PROB1: variants seen among roughly 807,000 people sequenced by gnomAD.
PROB1 encodes proline-rich basic protein 1.
For synonymous variants in PROB1, 660 were observed against 699.3 expected (o/e 0.94, Z 0.89); for missense variants, 1,453 against 1,485.7 (o/e 0.98, Z 0.36).
In PROB1 at chr5:139,392,895, CT is replaced by C; in HGVS notation, c.2186del (p.Lys729SerfsTer19). 3 of 1,543,944 alleles carry C rather than the reference CT, an allele frequency of 1.9e-6. No individual in the cohort carries two copies. The South Asian group carries it at 3.6e-5, about 18-fold the overall frequency. Reference sequence around the variant, plus strand: ...CCCCAGGCAGGCGGATCTCTGTGCGCTTGAAGGGCTTCGCCGTGCTGTTCTC... The same window carrying C: ...CCCCAGGCAGGCGGATCTCTGTGCGCTGAAGGGCTTCGCCGTGCTGTTCTC... ...RAENSTAKPF[K>X]RTEIRLPGAL... On this transcript the variant is annotated frameshift_variant, in exon 1 of 1. Transcript: ENST00000434752. LOFTEE classifies it low-confidence loss of function (END_TRUNC). This position sits in a 1 kb window ranked among gnomAD's most constrained non-coding sequence, Gnocchi z 5.8.
chr5:139,392,895 C>G lies in PROB1; in HGVS notation c.2187G>C (p.Lys729Asn), dbSNP rs1448047674. The G allele has an allele frequency of 6.5e-7, 1 of 1,543,944 alleles. No individual in the cohort carries two copies. Among genetic ancestry groups the G allele is most frequent in the East Asian group, 2.5e-5 (1 of 40,714 alleles). The change falls in exon 1 of 1, where the codon AAG (lysine) becomes AAC (asparagine). Residue 729 changes from lysine to asparagine, a missense_variant. Lys to Asn is a moderately conservative substitution (Grantham distance 94, BLOSUM62 0). Coordinates refer to ENST00000434752, the MANE Select transcript of PROB1 (RefSeq NM_001161546.2). The surrounding 1 kb of genome is among the most constrained non-coding windows in gnomAD (Gnocchi z 5.8). ...CCCCAGGCAGGCGGATCTCTGTGCG[C>G]TTGAAGGGCTTCGCCGTGCTGTTCT... ...RAENSTAKPF[K>N]RTEIRLPGAL...
At position 139,392,699 on chromosome 5, in the gene PROB1, C is replaced by T. The variant is rs989412618; in HGVS notation, c.2383G>A (p.Gly795Arg). 4.3e-5 allele frequency: 59 copies of T among 1,386,774 alleles called. No homozygotes were observed. Among genetic ancestry groups the T allele is most frequent in the Non-Finnish European group, 5.5e-5 (59 of 1,070,434 alleles). 85.9% of individuals were successfully genotyped at this position (1,386,774 alleles called of 1,614,324 possible). A position where few individuals can be genotyped will look rare whatever the true frequency, so the allele number is the denominator to read the frequency against. ...SSQRSPVGPA[G>R]VRSPRPGSPQ... Reference sequence around the variant, plus strand: ...GAGCCGGGGCGGGGCGATCGGACCCCTGCTGGCCCTACGGGGGAGCGCTGG... The same window carrying T: ...GAGCCGGGGCGGGGCGATCGGACCCTTGCTGGCCCTACGGGGGAGCGCTGG... The change falls in exon 1 of 1, where the codon GGG (glycine) becomes AGG (arginine). Residue 795 changes from glycine (G) to arginine (R), a missense_variant. By Grantham distance (125) the Gly-to-Arg change is moderately radical. Coordinates refer to ENST00000434752, the MANE Select transcript of PROB1 (RefSeq NM_001161546.2). This position sits in a 1 kb window ranked among gnomAD's most constrained non-coding sequence, Gnocchi z 5.8.
chr5:139,393,037 A>G lies in PROB1; in HGVS notation c.2045T>C (p.Val682Ala). The G allele has an allele frequency of 1.3e-6, 2 of 1,522,998 alleles. No homozygotes were observed. The highest frequency in any genetic ancestry group is 8.8e-7 in the Non-Finnish European group (1 of 1,134,582). 94.3% of individuals were successfully genotyped at this position (1,522,998 alleles called of 1,614,324 possible). The change falls in exon 1 of 1, where the codon GTT becomes GCT. Residue 682 changes from valine to alanine, a missense_variant. Physicochemically the swap from Val to Ala is moderately conservative, Grantham distance 64 (BLOSUM62 0). Transcript: ENST00000434752. ...GPPAPAHYTS[V>A]FIKDFLPVVP... ...CACCGGTAGAAAATCCTTGATGAAA[A>G]CGGAAGTGTAGTGAGCCGGGGCGGG...
rs1758668854 is a variant in PROB1, at chr5:139,394,873, C to T, written c.209G>A (p.Arg70His). 4 of 1,520,726 alleles carry T rather than the reference C, an allele frequency of 2.6e-6. No individual in the cohort carries two copies. The highest frequency in any genetic ancestry group is 3.5e-6 in the Non-Finnish European group (4 of 1,134,736). The allele number at this position is 1,520,726 out of a possible 1,614,324, so 94.2% of individuals were successfully genotyped here. ...GCTATTCTGGGCGCTGACGGACAGG[C>T]GAGGCTGCGCGCCCGCCCCCCGCCC... ...APGRGAGAQPRLSVSAQNSRQ... is the reference protein window; with the variant it reads ...APGRGAGAQPHLSVSAQNSRQ... The change falls in exon 1 of 1, where the codon CGC (arginine) becomes CAC (histidine). Residue 70 changes from arginine (R) to histidine (H), a missense_variant. By Grantham distance (29) the Arg-to-His change is conservative. Coordinates refer to ENST00000434752, the MANE Select transcript of PROB1 (RefSeq NM_001161546.2).
chr5:139,392,722 TG>T lies in PROB1; in HGVS notation c.2359del (p.Gln787SerfsTer5). 2 of 1,407,212 alleles carry T rather than the reference TG, an allele frequency of 1.4e-6. No individual in the cohort carries two copies. Among genetic ancestry groups the T allele is most frequent in the African/African-American group, 1.5e-5 (1 of 65,616 alleles). The allele number at this position is 1,407,212 out of a possible 1,614,324, so 87.2% of individuals were successfully genotyped here. A position where few individuals can be genotyped will look rare whatever the true frequency, so the allele number is the denominator to read the frequency against. On this transcript the variant is annotated frameshift_variant, in exon 1 of 1. Transcript: ENST00000434752. LOFTEE classifies it low-confidence loss of function (END_TRUNC). The surrounding 1 kb of genome is among the most constrained non-coding windows in gnomAD (Gnocchi z 5.8). ...SPLGGARSSS[Q>X]RSPVGPAGVR... ...CCCTGCTGGCCCTACGGGGGAGCGC[TG>T]GGATGAGCTGCGGGCGCCGCCTAGA...
At position 139,393,920 on chromosome 5, in the gene PROB1, C is replaced by CA; in HGVS notation, c.1161dup (p.Val388CysfsTer40). 6.4e-7 allele frequency: 1 copy of CA among 1,551,038 alleles called. No homozygotes were observed. The highest frequency in any genetic ancestry group is 1.2e-5 in the South Asian group (1 of 84,068). On this transcript the variant is annotated frameshift_variant, in exon 1 of 1. Coordinates refer to ENST00000434752, the MANE Select transcript of PROB1 (RefSeq NM_001161546.2). LOFTEE classifies it low-confidence loss of function (END_TRUNC). ...GGCGGGGACGGGCTCCTTGGCCTCA[C>CA]AGCCCTACTCGGAACCTCCGAGGGG...
Position 139,393,122 on chromosome 5 carries a change from C to T in PROB1, c.1960G>A (p.Asp654Asn), listed in dbSNP as rs1246688083. The T allele has an allele frequency of 1.3e-6, 2 of 1,529,272 alleles. No homozygotes were observed. Among genetic ancestry groups the T allele is most frequent in the Non-Finnish European group, 1.8e-6 (2 of 1,135,242 alleles). The allele number at this position is 1,529,272 out of a possible 1,614,324, so 94.7% of individuals were successfully genotyped here. A position where few individuals can be genotyped will look rare whatever the true frequency, so the allele number is the denominator to read the frequency against. The change falls in exon 1 of 1, where the codon GAC (aspartate) becomes AAC (asparagine). Residue 654 changes from aspartate to asparagine, a missense_variant. Asp to Asn is a conservative substitution (Grantham distance 23, BLOSUM62 1). Transcript: ENST00000434752. ...QGSGLPAPPA[D>N]PCGEEGGESK... ...TCGCCGCCCTCCTCCCCGCAGGGGTCGGCAGGAGGCGCAGGCAGCCCAGAG... is the reference window on the plus strand; with the variant it reads ...TCGCCGCCCTCCTCCCCGCAGGGGTTGGCAGGAGGCGCAGGCAGCCCAGAG...
In PROB1 at chr5:139,394,297, T is replaced by A; in HGVS notation, c.785A>T (p.Glu262Val). 6.6e-7 allele frequency: 1 copy of A among 1,518,340 alleles called. No homozygotes were observed. The highest frequency in any genetic ancestry group is 8.8e-7 in the Non-Finnish European group (1 of 1,133,376). The allele number at this position is 1,518,340 out of a possible 1,614,324, so 94.1% of individuals were successfully genotyped here. A position where few individuals can be genotyped will look rare whatever the true frequency, so the allele number is the denominator to read the frequency against. Reference sequence around the variant, plus strand: ...GGTGGCGCTGCTCGGGGCCGGGGCCTCGGGGCTCAGTTTTCTGGCCAACGC... The same window carrying A: ...GGTGGCGCTGCTCGGGGCCGGGGCCACGGGGCTCAGTTTTCTGGCCAACGC... ...QTALARKLSPEAPAPSSATFG... is the reference protein window; with the variant it reads ...QTALARKLSPVAPAPSSATFG... The change falls in exon 1 of 1, where the codon GAG (glutamate) becomes GTG (valine). Residue 262 changes from glutamate to valine, a missense_variant. Physicochemically the swap from Glu to Val is moderately radical, Grantham distance 121 (BLOSUM62 -2). Transcript: ENST00000434752.
In PROB1 at chr5:139,395,002, G is replaced by A; in HGVS notation, c.80C>T (p.Ser27Phe). 6.7e-7 allele frequency: 1 copy of A among 1,489,214 alleles called. No individual in the cohort carries two copies. The highest frequency in any genetic ancestry group is 1.3e-5 in the South Asian group (1 of 77,252). The allele number at this position is 1,489,214 out of a possible 1,614,324, so 92.3% of individuals were successfully genotyped here. ...LPTAPARRQDSSGSSGSYYTA... is the reference protein window; with the variant it reads ...LPTAPARRQDFSGSSGSYYTA... Reference sequence around the variant, plus strand: ...GTAGTAGGAGCCTGACGAACCGGAGGAGTCCTGGCGCCGCGCGGGGGCCGT... The same window carrying A: ...GTAGTAGGAGCCTGACGAACCGGAGAAGTCCTGGCGCCGCGCGGGGGCCGT... The change falls in exon 1 of 1, where the codon TCC (serine) becomes TTC (phenylalanine). Residue 27 changes from serine to phenylalanine, a missense_variant. Physicochemically the swap from Ser to Phe is radical, Grantham distance 155 (BLOSUM62 -2). Coordinates refer to ENST00000434752, the MANE Select transcript of PROB1 (RefSeq NM_001161546.2).
At position 139,393,891 on chromosome 5, in the gene PROB1, C is replaced by T. The variant is rs1758643582; in HGVS notation, c.1191G>A (p.Arg397=). Residue 397 remains arginine (R), a synonymous_variant, in exon 1 of 1, where the codon CGG becomes CGA. Transcript: ENST00000434752. ...AVRPRSPSPP[R]QTPNGAVRGP... ...CCCGTACAGCCCCATTTGGAGTCTG[C>T]CGTGGCGGGGACGGGCTCCTTGGCC... The T allele has an allele frequency of 1.3e-6, 2 of 1,549,118 alleles. No homozygotes were observed. The highest frequency in any genetic ancestry group is 1.7e-6 in the Non-Finnish European group (2 of 1,146,236).
At position 139,394,439 on chromosome 5, in the gene PROB1, G is replaced by C. The variant is rs1224250477; in HGVS notation, c.643C>G (p.Arg215Gly). ...VPKRQIELRP[R>G]PQSPPRAAGA... The stretch of plus-strand genomic sequence containing the variant: ...GCCGCCCTTGGGGGACTCTGGGGCC[G>C]GGGGCGCAGCTCGATCTGACGCTTG... Residue 215 changes from arginine (R) to glycine (G), a missense_variant, in exon 1 of 1, where the codon CGG becomes GGG. Arg to Gly is a moderately radical substitution (Grantham distance 125). Transcript: ENST00000434752. 7.2e-7 allele frequency: 1 copy of C among 1,394,792 alleles called. No homozygotes were observed. The highest frequency in any genetic ancestry group is 2.9e-5 in the East Asian group (1 of 34,208). The allele number at this position is 1,394,792 out of a possible 1,614,324, so 86.4% of individuals were successfully genotyped here. A position where few individuals can be genotyped will look rare whatever the true frequency, so the allele number is the denominator to read the frequency against.
In PROB1 at chr5:139,394,686, T is replaced by G. The variant is rs895484047; in HGVS notation, c.396A>C (p.Gln132His). 3 of 1,533,840 alleles carry G rather than the reference T, an allele frequency of 2.0e-6. No individual in the cohort carries two copies. In the African/African-American group the frequency reaches 4.2e-5, roughly 21 times the overall value. ...TGAAGGCCGGCTCCGTGAACTGTTG[T>G]TGCGCCTCGCGATCGTCTGCGCCGG... ...GCSGADDREA[Q>H]QQFTEPAFIS... is the part of the protein sequence containing the mutation. Residue 132 changes from glutamine (Q) to histidine (H), a missense_variant, in exon 1 of 1, where the codon CAA (glutamine) becomes CAC (histidine). Gln to His is a conservative substitution (Grantham distance 24). Coordinates refer to ENST00000434752, the MANE Select transcript of PROB1 (RefSeq NM_001161546.2).
rs377325818 is a variant in PROB1, at chr5:139,393,683, C to T, written c.1399G>A (p.Gly467Arg). 339 of 1,550,858 alleles carry T rather than the reference C, an allele frequency of 2.2e-4. 2 individuals carry two copies. The highest frequency in any genetic ancestry group is 2.2e-3 in the Middle Eastern group (13 of 5,992). ...GCTTCGAGGGACGGGCTCCTTTCCC[C>T]AGCAACACACTGATTCCACTGGGAA... ...ILSQWNQCVA[G>R]ERSPSLEAPS... is the part of the protein sequence containing the mutation. Residue 467 changes from glycine (G) to arginine (R), a missense_variant, in exon 1 of 1, where the codon GGG (glycine) becomes AGG (arginine). By Grantham distance (125) the Gly-to-Arg change is moderately radical. Coordinates refer to ENST00000434752, the MANE Select transcript of PROB1 (RefSeq NM_001161546.2).
chr5:139,393,755 C>T lies in PROB1; in HGVS notation c.1327G>A (p.Ala443Thr). ...CTCCTGCTGACAGTTTCCTCGACGG[C>T]AGGATTTTGATTTTCCCACTCGGAG... is the stretch of plus-strand genomic sequence containing the variant. ...ASSEWENQNP[A>T]VEETVSRRSP... Residue 443 changes from alanine (A) to threonine (T), a missense_variant, in exon 1 of 1, where the codon GCC becomes ACC. Physicochemically the swap from Ala to Thr is moderately conservative, Grantham distance 58 (BLOSUM62 0). Transcript: ENST00000434752. 7.1e-6 allele frequency: 11 copies of T among 1,551,392 alleles called. No homozygotes were observed. The highest frequency in any genetic ancestry group is 7.8e-6 in the Non-Finnish European group (9 of 1,146,984).
In PROB1 at chr5:139,392,854, C is replaced by T. The variant is rs1412206621; in HGVS notation, c.2228G>A (p.Arg743His). 5.2e-6 allele frequency: 8 copies of T among 1,540,704 alleles called. No individual in the cohort carries two copies. The highest frequency in any genetic ancestry group is 6.1e-6 in the Non-Finnish European group (7 of 1,141,798). ...CACTCGCGAGGTTACCTCGGGCCGGCGACCCAAGGCCAGGGCCCCAGGCAG... is the reference window on the plus strand; with the variant it reads ...CACTCGCGAGGTTACCTCGGGCCGGTGACCCAAGGCCAGGGCCCCAGGCAG... ...IRLPGALALG[R>H]RPEVTSRVRA... The change falls in exon 1 of 1, where the codon CGC becomes CAC. Residue 743 changes from arginine to histidine, a missense_variant. Coordinates refer to ENST00000434752, the MANE Select transcript of PROB1 (RefSeq NM_001161546.2). The surrounding 1 kb of genome is among the most constrained non-coding windows in gnomAD (Gnocchi z 5.8).
At position 139,393,860 on chromosome 5, in the gene PROB1, G is replaced by A. The variant is rs918028993; in HGVS notation, c.1222C>T (p.Arg408Cys). The change falls in exon 1 of 1, where the codon CGC (arginine) becomes TGC (cysteine). Residue 408 changes from arginine to cysteine, a missense_variant. Transcript: ENST00000434752. Reference sequence around the variant, plus strand: ...GACAGGTTCTGGGGCGACGGGCAGCGAGGACCCCGTACAGCCCCATTTGGA... The same window carrying A: ...GACAGGTTCTGGGGCGACGGGCAGCAAGGACCCCGTACAGCCCCATTTGGA... ...QTPNGAVRGP[R>C]CPSPQNLSPW... The A allele has an allele frequency of 1.9e-6, 3 of 1,550,738 alleles. No individual in the cohort carries two copies. The highest frequency in any genetic ancestry group is 2.4e-5 in the South Asian group (2 of 84,028).
Position 139,393,699 on chromosome 5 carries a change from C to T in PROB1, c.1383G>A (p.Trp461Ter), listed in dbSNP as rs1245659667. 11 of 1,550,878 alleles carry T rather than the reference C, an allele frequency of 7.1e-6. No individual in the cohort carries two copies. Among genetic ancestry groups the T allele is most frequent in the Non-Finnish European group, 8.7e-7 (1 of 1,146,930 alleles). The change falls in exon 1 of 1, where the codon TGG becomes TGA. Residue 461 changes from tryptophan to a stop codon, truncating the protein, a stop_gained. Transcript: ENST00000434752. LOFTEE classifies it low-confidence loss of function (END_TRUNC). ...RSPSPPILSQ[W>*]NQCVAGERSP... is the part of the protein sequence containing the mutation. ...TCCTTTCCCCAGCAACACACTGATT[C>T]CACTGGGAAAGGATCGGAGGGGAAG...
chr5:139,393,345 C>A lies in PROB1; in HGVS notation c.1737G>T (p.Gln579His). The change falls in exon 1 of 1, where the codon CAG (glutamine) becomes CAT (histidine). Residue 579 changes from glutamine (Q) to histidine (H), a missense_variant. Transcript: ENST00000434752. ...EISDLAFGGSQQSPEVAAPEP... is the reference protein window; with the variant it reads ...EISDLAFGGSHQSPEVAAPEP... ...CGGGTGCTGCTACCTCTGGGGACTG[C>A]TGACTCCCTCCAAAGGCAAGATCTG... 2 of 1,551,330 alleles carry A rather than the reference C, an allele frequency of 1.3e-6. No individual in the cohort carries two copies. Among genetic ancestry groups the A allele is most frequent in the Non-Finnish European group, 1.7e-6 (2 of 1,146,998 alleles).
In PROB1 at chr5:139,392,712, G is replaced by T. The variant is rs1165097566; in HGVS notation, c.2370C>A (p.Pro790=). Residue 790 remains proline (P), a synonymous_variant, in exon 1 of 1, where the codon CCC becomes CCA. Transcript: ENST00000434752. This position sits in a 1 kb window ranked among gnomAD's most constrained non-coding sequence, Gnocchi z 5.8. The part of the protein sequence containing the change: ...GGARSSSQRS[P]VGPAGVRSPR... ...GCGATCGGACCCCTGCTGGCCCTACGGGGGAGCGCTGGGATGAGCTGCGGG... is the reference window on the plus strand; with the variant it reads ...GCGATCGGACCCCTGCTGGCCCTACTGGGGAGCGCTGGGATGAGCTGCGGG... The T allele has an allele frequency of 7.1e-6, 10 of 1,406,418 alleles. No homozygotes were observed. The highest frequency in any genetic ancestry group is 9.3e-6 in the Non-Finnish European group (10 of 1,080,346). 87.1% of individuals were successfully genotyped at this position (1,406,418 alleles called of 1,614,324 possible). A position where few individuals can be genotyped will look rare whatever the true frequency, so the allele number is the denominator to read the frequency against.
Sources: allele counts gnomAD v4.1 joint callset, GRCh38; gene constraint gnomAD v4.1.1; non-coding constraint Gnocchi (gnomAD v3.1); transcripts MANE v1.5; gene names NCBI Gene and HGNC (gene_info 2026-07-23, HGNC 2026-07-21).